ZNF385D: variants seen among roughly 807,000 people sequenced by gnomAD.
The protein encoded by ZNF385D is zinc finger protein 385D.
ZNF385D carries 15 observed loss-of-function variants against 35.8 expected under a neutral mutation model. That is an observed-to-expected ratio of 0.42 (90% CI 0.28 to 0.64). ZNF385D has a LOEUF of 0.64. ZNF385D is among the 30% of genes least tolerant of loss of function. The pLI is 0.23. For synonymous variants in ZNF385D, 212 were observed against 186.8 expected (o/e 1.13, Z -1.10); for missense variants, 474 against 494.6 (o/e 0.96, Z 0.39).
intron 3 of ZNF385D, among the ~76,000 whole-genome samples, chr3:21,758,418 T>C (rs930294351): frequency 2.6e-5 from 4 of 152,102 alleles, no homozygotes; most frequent in African/African-American, 9.7e-5. Flanking sequence ...TGGTCAGAAT[T>C]ACATGTATTT....
chr3:21,639,059 G>A (rs973379246), intron 2 of ZNF385D, among the ~76,000 whole-genome samples: 1 of 151,954 alleles, frequency 6.6e-6, no homozygotes. Flanking sequence ...TATGTAATCC[G>A]ACTCCCAATC....
intron 3 of ZNF385D, among the ~76,000 whole-genome samples, chr3:21,987,997 C>A (rs979532638): frequency 2.1e-5 from 3 of 146,298 alleles, no homozygotes; most frequent in African/African-American, 4.9e-5. Flanking sequence ...ACGTAGTTCT[C>A]GAGCCTTGGT....
intron 2 of ZNF385D, among the ~76,000 whole-genome samples, chr3:21,660,388 A>G (rs968715148): frequency 6.6e-6 from 1 of 152,126 alleles, no homozygotes; most frequent in Non-Finnish European, 1.5e-5. Flanking sequence ...TTTACTGAGT[A>G]TCTGGCATCT....
chr3:21,758,050 T>C (rs893908607), intron 3 of ZNF385D, among the ~76,000 whole-genome samples: 6 of 152,252 alleles, frequency 3.9e-5, no homozygotes, highest in Non-Finnish European at 7.3e-5. Flanking sequence ...ACAAGTTTTA[T>C]TCACTACCTG....
At chr3:22,212,876 C>T (rs1697616259) in intron 2 of ZNF385D, among the ~76,000 whole-genome samples, 1 of 151,832 alleles carries the variant, frequency 6.6e-6, no homozygotes, top group Non-Finnish European at 1.5e-5. Context: ...AATTTCAAGA[C>T]ACTAATTTAA....
intron 2 of ZNF385D, among the ~76,000 whole-genome samples, chr3:22,339,356 G>T (rs887839640): frequency 3.3e-5 from 5 of 152,082 alleles, no homozygotes; most frequent in African/African-American, 1.2e-4. Context: ...TTGTGAACAA[G>T]GAAGGCCTGG....
At chr3:21,547,207 A>G (rs1252038202) in intron 3 of ZNF385D, among the ~76,000 whole-genome samples, 4 of 152,128 alleles carry the variant, frequency 2.6e-5, no homozygotes, top group Non-Finnish European at 4.4e-5. Context: ...TTAATTTCCC[A>G]ACCCTTAAAC....
At chr3:22,096,787 T>A (rs1210741454) in intron 3 of ZNF385D, among the ~76,000 whole-genome samples, 1 of 152,062 alleles carries the variant, frequency 6.6e-6, no homozygotes, top group Admixed American at 6.6e-5. Flanking sequence ...AGTATTGATA[T>A]CTGCGGAGTT....
intron 4 of ZNF385D, among the ~76,000 whole-genome samples, chr3:21,470,568 A>C (rs1703819214): frequency 6.6e-6 from 1 of 152,190 alleles, no homozygotes; most frequent in African/African-American, 2.4e-5. Flanking sequence ...GGCCAAATCA[A>C]GTGAGATGTG....
At chr3:22,104,550 C>T (rs191802308) in intron 3 of ZNF385D, among the ~76,000 whole-genome samples, 10 of 151,580 alleles carry the variant, frequency 6.6e-5, no homozygotes, top group East Asian at 5.8e-4. Context: ...TTTTTTTTGC[C>T]GCGTTGTGTA....
At chr3:21,987,569 T>C (rs1694880025) in intron 3 of ZNF385D, among the ~76,000 whole-genome samples, 1 of 128,642 alleles carries the variant, frequency 7.8e-6, no homozygotes, top group African/African-American at 3.5e-5. Context: ...CCTTTGAGGG[T>C]AACCCGACCT....
intron 2 of ZNF385D, among the ~76,000 whole-genome samples, chr3:22,198,635 T>C (rs1284195253): frequency 6.6e-6 from 1 of 152,154 alleles, no homozygotes; most frequent in South Asian, 2.1e-4. Flanking sequence ...ATTTTTTTCT[T>C]ACATTTTATG....
At position 21,783,055 on chromosome 3, in the gene ZNF385D, C is replaced by T. The variant is rs78567700; in HGVS notation, c.326-118027G>A. 5.9e-5 allele frequency among the ~76,000 whole-genome samples: 9 copies of T among 152,238 alleles called. 1 individual carries two copies. The highest frequency in any genetic ancestry group is 5.8e-4 in the East Asian group (3 of 5,174). On this transcript the variant is annotated intron_variant, in intron 3 of 5. Coordinates refer to the ZNF385D transcript ENST00000494108. ...CCCTGCTATTCTTGCTAGATCTTCACGATTGGTAACTGATCACTACTCTCC... is the reference window on the plus strand; with the variant it reads ...CCCTGCTATTCTTGCTAGATCTTCATGATTGGTAACTGATCACTACTCTCC...
chr3:21,751,590 G>A (rs985174760), upstream of ZNF385D, among the ~76,000 whole-genome samples: 29 of 152,134 alleles, frequency 1.9e-4, no homozygotes, highest in Admixed American at 1.6e-3. Flanking sequence ...TGCCGTGCTT[G>A]CATTCTCTTT....
intron 3 of ZNF385D, among the ~76,000 whole-genome samples, chr3:22,008,824 A>C (rs1233936605): frequency 1.3e-5 from 2 of 152,234 alleles, no homozygotes; most frequent in Non-Finnish European, 1.5e-5. Context: ...AAGTCAAGAC[A>C]AATGGTAATT....
chr3:22,204,708 A>C (rs1328824044), intron 2 of ZNF385D, among the ~76,000 whole-genome samples: 1 of 152,086 alleles, frequency 6.6e-6, no homozygotes, highest in Non-Finnish European at 1.5e-5. Flanking sequence ...GGAATTGAAA[A>C]ATGCAACTGA....
intron 2 of ZNF385D, among the ~76,000 whole-genome samples, chr3:22,178,309 T>C (rs575676780): frequency 1.3e-5 from 2 of 152,366 alleles, no homozygotes; most frequent in South Asian, 2.1e-4. Flanking sequence ...TCATTGTGGT[T>C]TTGATTTGCA....
At chr3:21,894,248 T>G (rs941806388) in intron 3 of ZNF385D, among the ~76,000 whole-genome samples, 1 of 152,196 alleles carries the variant, frequency 6.6e-6, no homozygotes, top group Non-Finnish European at 1.5e-5. Flanking sequence ...TTGAGACCAT[T>G]AGGTTAATAA....
chr3:21,498,321 A>G lies in ZNF385D; in HGVS notation c.439+12540T>C, dbSNP rs140206486. ...GGACGTAGGATCTGACAAAGATTTC[A>G]TGACAAAGATGCCAAAAGCAATTGC... On this transcript the variant is annotated intron_variant, in intron 4 of 7. Coordinates refer to ENST00000281523, the MANE Select transcript of ZNF385D (RefSeq NM_024697.3). 6.1e-3 allele frequency among the ~76,000 whole-genome samples: 925 copies of G among 152,292 alleles called. 9 individuals carry two copies. The highest frequency in any genetic ancestry group is 0.021 in the African/African-American group (881 of 41,564).
Sources: allele counts gnomAD v4.1 joint callset (sites outside exome capture counted in the v4.1 genomes callset), GRCh38; gene constraint gnomAD v4.1.1; transcripts MANE v1.5; gene names NCBI Gene and HGNC (gene_info 2026-07-23, HGNC 2026-07-21).